MYO3B: variants seen among roughly 807,000 people sequenced by gnomAD.
The protein encoded by MYO3B is myosin IIIB.
Under a neutral mutation model 174.6 loss-of-function variants are expected in MYO3B, and 156 were observed. The ratio of observed to expected loss-of-function variants is 0.89; its 90% CI spans 0.78 to 1.02. The LOEUF (loss-of-function observed/expected upper bound fraction) is 1.02. Among genes scored for constraint, MYO3B ranks in the 50% least tolerant of loss-of-function variants. MYO3B has a pLI of 0.00. For missense variants in MYO3B, 1,632 were observed against 1,639.4 expected, an observed-to-expected ratio of 1.00 and a Z score of 0.08; for synonymous variants, 563 against 569.1, an observed-to-expected ratio of 0.99 and a Z score of 0.15.
intron 1 of MYO3B, among the ~76,000 whole-genome samples, chr2:170,192,915 G>T (rs1469451964): frequency 6.6e-6 from 1 of 151,522 alleles, no homozygotes; most frequent in Non-Finnish European, 1.5e-5. Flanking sequence ...CATTTTCTTG[G>T]AATGTATTGA....
At chr2:170,402,167 T>G (rs553665518) in intron 18 of MYO3B, among the ~76,000 whole-genome samples, 1 of 152,228 alleles carries the variant, frequency 6.6e-6, no homozygotes, top group Non-Finnish European at 1.5e-5. Context: ...TTTTGAATTT[T>G]TTCATCAGAC....
chr2:170,559,890 C>G (rs183687361), intron 32 of MYO3B, among the ~76,000 whole-genome samples: 242 of 152,104 alleles, frequency 1.6e-3, no homozygotes, highest in African/African-American at 5.7e-3. Context: ...GTTCTGTGAT[C>G]TGTGTTCCTG....
rs1000676831 is a variant in MYO3B, at chr2:170,383,172, A to T, written c.1168A>T (p.Ser390Cys). Residue 390 changes from serine to cysteine, a missense_variant, in exon 11 of 35, where the codon AGC (serine) becomes TGC (cysteine). Transcript: ENST00000408978. ...TGCCTTAAACCCCTTCCAGAATCTAAGCATATACTCTCCACAGGTAAGGGA... is the reference window on the plus strand; with the variant it reads ...TGCCTTAAACCCCTTCCAGAATCTATGCATATACTCTCCACAGGTAAGGGA... ...LIALNPFQNL[S>C]IYSPQFSRLY... 3.1e-6 allele frequency: 5 copies of T among 1,602,168 alleles called. No individual in the cohort carries two copies. The highest frequency in any genetic ancestry group is 4.3e-6 in the Non-Finnish European group (5 of 1,169,486).
chr2:170,581,254 T>C (rs756420880), intron 32 of MYO3B, among the ~76,000 whole-genome samples: 7 of 152,224 alleles, frequency 4.6e-5, no homozygotes, highest in Non-Finnish European at 8.8e-5. Flanking sequence ...TTTGCTTGTC[T>C]CTGATTAATA....
At chr2:170,385,337 C>A (rs1359170642) in intron 12 of MYO3B, among the ~76,000 whole-genome samples, 1 of 152,126 alleles carries the variant, frequency 6.6e-6, no homozygotes, top group Non-Finnish European at 1.5e-5. Context: ...AATGACCAGT[C>A]TGAAGCTGTC....
chr2:170,325,793 C>A (rs1456817484), intron 7 of MYO3B, among the ~76,000 whole-genome samples: 1 of 152,070 alleles, frequency 6.6e-6, no homozygotes, highest in East Asian at 1.9e-4. Flanking sequence ...CAAGACTGGC[C>A]AGATAAGTCT....
intron 32 of MYO3B, among the ~76,000 whole-genome samples, chr2:170,551,979 T>C (rs1421890588): frequency 6.6e-6 from 1 of 152,202 alleles, no homozygotes; most frequent in African/African-American, 2.4e-5. Context: ...CCTTCTGCCA[T>C]GATTTTAAAG....
intron 28 of MYO3B, among the ~76,000 whole-genome samples, chr2:170,505,230 G>A (rs1039137200): frequency 7.2e-5 from 11 of 152,112 alleles, no homozygotes; most frequent in African/African-American, 1.2e-4. Context: ...AGGAGCCTGA[G>A]CAAAGGTATT....
chr2:170,619,502 T>C (rs912524181), intron 32 of MYO3B, among the ~76,000 whole-genome samples: 3 of 152,156 alleles, frequency 2.0e-5, no homozygotes, highest in African/African-American at 7.2e-5. Context: ...ACAGTGAAGC[T>C]GTTGGCCAGA....
chr2:170,369,345 C>CCA lies in MYO3B; in HGVS notation c.940_941dup (p.Gln314HisfsTer39), dbSNP rs1448460386. 10 of 1,613,206 alleles carry CCA rather than the reference C, an allele frequency of 6.2e-6. No homozygotes were observed. The highest frequency in any genetic ancestry group is 5.3e-5 in the African/African-American group (4 of 74,914). ...AACAGCTGGCCAAGGTTCTCCAAGA[C>CCA]CAGAAGCATCAAAATCCTGTTGCTA... is the stretch of plus-strand genomic sequence containing the variant. On this transcript the variant is annotated frameshift_variant, in exon 9 of 35. Coordinates refer to ENST00000408978, the MANE Select transcript of MYO3B (RefSeq NM_138995.5). LOFTEE classifies it high-confidence loss of function.
At chr2:170,300,886 C>T (rs561250329) in intron 7 of MYO3B, among the ~76,000 whole-genome samples, 21 of 152,204 alleles carry the variant, frequency 1.4e-4, no homozygotes, top group Admixed American at 1.3e-3. Flanking sequence ...ATTAGCTAAG[C>T]ATGAAGATGA....
intron 32 of MYO3B, among the ~76,000 whole-genome samples, chr2:170,552,896 G>A (rs891415351): frequency 2.6e-5 from 4 of 152,276 alleles, no homozygotes; most frequent in Admixed American, 1.3e-4. Context: ...CATCCCAGCC[G>A]ATCTAGCTTC....
At chr2:170,276,628 A>C (rs2093465573) in intron 7 of MYO3B, among the ~76,000 whole-genome samples, 1 of 152,210 alleles carries the variant, frequency 6.6e-6, no homozygotes, top group African/African-American at 2.4e-5. Flanking sequence ...GAGAGCCTAA[A>C]GTGATGACCA....
intron 8 of MYO3B, among the ~76,000 whole-genome samples, chr2:170,354,564 A>G (rs1333576964): frequency 5.3e-5 from 8 of 152,220 alleles, no homozygotes; most frequent in Non-Finnish European, 1.0e-4. Flanking sequence ...AAACCCATGC[A>G]TAGAGTTAGT....
intron 25 of MYO3B, among the ~76,000 whole-genome samples, chr2:170,473,722 A>G (rs924522280): frequency 1.3e-5 from 2 of 152,062 alleles, no homozygotes; most frequent in African/African-American, 4.8e-5. Flanking sequence ...GGCTAACTTT[A>G]AACAAATTTG....
rs116967822 is a variant in MYO3B, at chr2:170,325,735, A to G, written c.750-9650A>G. On this transcript the variant is annotated intron_variant, in intron 7 of 34. Transcript: ENST00000408978. ...TCTCAGCGTAGTTAAGCTCAGGGGCAAAGGCTGTGTTCCTGACTGAGGTAC... is the reference window on the plus strand; with the variant it reads ...TCTCAGCGTAGTTAAGCTCAGGGGCGAAGGCTGTGTTCCTGACTGAGGTAC... Among the ~76,000 whole-genome samples, 47 of 152,234 alleles carry G rather than the reference A, an allele frequency of 3.1e-4. No individual in the cohort carries two copies. The East Asian group carries it at 7.7e-3, about 25-fold the overall frequency.
At chr2:170,330,642 G>C (rs1159740054) in intron 7 of MYO3B, among the ~76,000 whole-genome samples, 1 of 152,168 alleles carries the variant, frequency 6.6e-6, no homozygotes, top group Admixed American at 6.5e-5. Flanking sequence ...CACCATGTAT[G>C]TGTGTATAAT....
chr2:170,348,839 T>C (rs1367699955), intron 8 of MYO3B, among the ~76,000 whole-genome samples: 1 of 152,186 alleles, frequency 6.6e-6, no homozygotes, highest in East Asian at 1.9e-4. Context: ...CCACTTCTAA[T>C]TTGGGGTAGT....
intron 30 of MYO3B, among the ~76,000 whole-genome samples, chr2:170,521,028 A>G (rs1688640278): frequency 6.6e-6 from 1 of 152,224 alleles, no homozygotes; most frequent in Non-Finnish European, 1.5e-5. Context: ...TCAAGAAAGA[A>G]GCAGGTCATT....
Sources: gnomAD v4.1 joint callset for allele counts (sites outside exome capture counted in the v4.1 genomes callset) on GRCh38, gnomAD v4.1.1 for gene constraint, MANE v1.5 for transcripts, NCBI Gene and HGNC (gene_info 2026-07-23, HGNC 2026-07-21) for gene names.